Variants in TPCN2 observed in about 807,000 individuals in gnomAD.
The protein encoded by TPCN2 is two pore segment channel 2.
A neutral mutation model predicts 111.4 loss-of-function variants in TPCN2; 92 were observed. The ratio of observed to expected loss-of-function variants is 0.83; its 90% CI spans 0.70 to 0.98. The LOEUF (loss-of-function observed/expected upper bound fraction) is 0.98. TPCN2 is among the 50% of genes least tolerant of loss of function. The pLI is 0.00. For missense variants in TPCN2, 995 were observed against 980.1 expected, an observed-to-expected ratio of 1.02 and a Z score of -0.20; for synonymous variants, 405 against 414.5, an observed-to-expected ratio of 0.98 and a Z score of 0.28.
Position 69,085,949 on chromosome 11 carries a change from G to C in TPCN2, c.2003+19G>C. 2 of 1,609,288 alleles carry C rather than the reference G, an allele frequency of 1.2e-6. No individual in the cohort carries two copies. The highest frequency in any genetic ancestry group is 1.7e-6 in the Non-Finnish European group (2 of 1,176,896). Reference sequence around the variant, plus strand: ...CAGGCCCGTGAGTCCTCGTCTCCCTGACGGCAGTGATTCTCCGTGCAGCCT... The same window carrying C: ...CAGGCCCGTGAGTCCTCGTCTCCCTCACGGCAGTGATTCTCCGTGCAGCCT... On this transcript the variant is annotated intron_variant, in intron 22 of 24. Transcript: ENST00000294309.
chr11:69,075,937 A>T (rs1208583729), intron 13 of TPCN2, among the ~76,000 whole-genome samples: 1 of 152,236 alleles, frequency 6.6e-6, no homozygotes, highest in East Asian at 1.9e-4. Flanking sequence ...GTTATCTCTC[A>T]GTTACACAGC....
intron 18 of TPCN2, among the ~76,000 whole-genome samples, chr11:69,082,211 G>A (rs957905728): frequency 2.3e-4 from 35 of 152,240 alleles, no homozygotes; most frequent in Non-Finnish European, 4.6e-4. Context: ...GCACACACAC[G>A]CGCACACGTG....
In TPCN2 at chr11:69,089,161, C is replaced by A. The variant is rs1403078203; in HGVS notation, c.*1208C>A. ...ATGGTGGGGGAGGGGGCGACCCGAACAACAGTGCAGTCGGTATCGAGATTG... is the reference window on the plus strand; with the variant it reads ...ATGGTGGGGGAGGGGGCGACCCGAAAAACAGTGCAGTCGGTATCGAGATTG... On this transcript the variant is annotated 3_prime_UTR_variant, in exon 25 of 25. Transcript: ENST00000294309. 6.6e-6 allele frequency: 1 copy of A among 152,380 alleles called. No individual in the cohort carries two copies. Among genetic ancestry groups the A allele is most frequent in the Non-Finnish European group, 1.5e-5 (1 of 68,108 alleles). 9.4% of individuals were successfully genotyped at this position (152,380 alleles called of 1,614,324 possible).
At position 69,086,617 on chromosome 11, in the gene TPCN2, C is replaced by T. The variant is rs1434693536; in HGVS notation, c.2085+13C>T. ...CCTGATTCTGGAGGTATCAGAGATC[C>T]CCACCCAGGCTGTTCTCCATGGTCG... On this transcript the variant is annotated intron_variant, in intron 23 of 24. Transcript: ENST00000294309. The T allele has an allele frequency of 1.2e-6, 2 of 1,612,102 alleles. No individual in the cohort carries two copies. The highest frequency in any genetic ancestry group is 1.7e-6 in the Non-Finnish European group (2 of 1,178,378).
chr11:69,077,919 G>C (rs1231123780), intron 13 of TPCN2, among the ~76,000 whole-genome samples: 1 of 152,210 alleles, frequency 6.6e-6, no homozygotes, highest in Non-Finnish European at 1.5e-5. Context: ...GCGGGTGCAG[G>C]TCTCCTTGCT....
intron 5 of TPCN2, among the ~76,000 whole-genome samples, chr11:69,058,121 C>G (rs181665916): frequency 6.6e-6 from 1 of 152,346 alleles, no homozygotes; most frequent in African/African-American, 2.4e-5. Context: ...CCACACTCAG[C>G]CCTTTCCACC....
intron 18 of TPCN2, 96 bp from the exon 19 acceptor site, chr11:69,083,849 T>G (rs545026910): frequency 2.6e-5 from 30 of 1,158,842 alleles, no homozygotes; most frequent in Non-Finnish European, 3.5e-5. Flanking sequence ...GCCTGCCCCA[T>G]CTTGCCTTTC....
intron 19 of TPCN2, among the ~76,000 whole-genome samples, chr11:69,084,298 C>T (rs780268067): frequency 1.1e-4 from 17 of 152,134 alleles, no homozygotes; most frequent in African/African-American, 2.9e-4. Flanking sequence ...TTGAGTCTCT[C>T]GTGTTTTCTG....
intron 24 of TPCN2, 67 bp from the exon 25 acceptor site, chr11:69,087,808 T>G: frequency 1.5e-6 from 2 of 1,340,896 alleles, no homozygotes; most frequent in Non-Finnish European, 2.1e-6. Flanking sequence ...GCTCCCTTGT[T>G]CTTGTGGGCA....
At chr11:69,050,045 C>G (rs1186844961) in intron 1 of TPCN2, among the ~76,000 whole-genome samples, 1 of 152,220 alleles carries the variant, frequency 6.6e-6, no homozygotes, top group Non-Finnish European at 1.5e-5. Flanking sequence ...CTGGAAGGAA[C>G]TGGGTTGGAA....
chr11:69,075,121 C>T (rs965845477), intron 13 of TPCN2, among the ~76,000 whole-genome samples: 8 of 152,106 alleles, frequency 5.3e-5, no homozygotes, highest in African/African-American at 1.7e-4. Flanking sequence ...CTGGAGGTCC[C>T]GGCGATGCTC....
At chr11:69,060,172 C>T in intron 5 of TPCN2, among the ~76,000 whole-genome samples, 1 of 152,334 alleles carries the variant, frequency 6.6e-6, no homozygotes. Context: ...ACGCCCCTGT[C>T]CTCCACTTGG....
intron 4 of TPCN2, among the ~76,000 whole-genome samples, chr11:69,056,596 C>T (rs1443786106): frequency 6.6e-6 from 1 of 151,696 alleles, no homozygotes; most frequent in Non-Finnish European, 1.5e-5. Flanking sequence ...TGCAGTGGTG[C>T]AGTCTTGGCT....
chr11:69,081,840 G>A (rs577148349), intron 18 of TPCN2, among the ~76,000 whole-genome samples: 71 of 152,256 alleles, frequency 4.7e-4, no homozygotes, highest in African/African-American at 1.7e-3. Context: ...CTTTGCCATG[G>A]CTCCCAGGGT....
At chr11:69,083,882 C>A in intron 18 of TPCN2, 63 bp from the exon 19 acceptor site, 1 of 1,511,700 alleles carries the variant, frequency 6.6e-7, no homozygotes. Flanking sequence ...CGTGGTGGGC[C>A]GGGATGGTGT....
At chr11:69,066,391 G>A (rs976190502) in intron 7 of TPCN2, among the ~76,000 whole-genome samples, 4 of 152,194 alleles carry the variant, frequency 2.6e-5, no homozygotes, top group African/African-American at 9.6e-5. Context: ...GTGGCTCTGT[G>A]CCTGACAGCG....
intron 6 of TPCN2, among the ~76,000 whole-genome samples, 168 bp downstream of exon 6, chr11:69,063,158 CTT>C (rs947934141): frequency 4.6e-5 from 7 of 151,864 alleles, no homozygotes; most frequent in Non-Finnish European, 8.8e-5. Flanking sequence ...TTTGGGGTCT[CTT>C]TGGTTCCAGC....
chr11:69,078,540 G>T lies in TPCN2; in HGVS notation c.1289G>T (p.Gly430Val). 1 of 1,614,134 alleles carries T rather than the reference G, an allele frequency of 6.2e-7. No individual in the cohort carries two copies. The highest frequency in any genetic ancestry group is 1.7e-5 in the Admixed American group (1 of 60,024). ...PFLQSAQFLF[G>V]HYYFDYLGNL... is the part of the protein sequence containing the mutation. ...CTGCAGAGCGCCCAGTTCCTCTTCG[G>T]CCACTACTACTTTGACTACCTGGGG... is the stretch of plus-strand genomic sequence containing the variant. The change falls in exon 14 of 25, where the codon GGC (glycine) becomes GTC (valine). Residue 430 changes from glycine to valine, a missense_variant. By Grantham distance (109) the Gly-to-Val change is moderately radical. Coordinates refer to ENST00000294309, the MANE Select transcript of TPCN2 (RefSeq NM_139075.4).
At chr11:69,072,585 C>T (rs780164759) in intron 11 of TPCN2, 42 bp from the exon 12 acceptor site, 12 of 1,605,764 alleles carry the variant, frequency 7.5e-6, no homozygotes, top group Non-Finnish European at 1.0e-5. Context: ...CCAAGGGAGC[C>T]GAGCTGGCTG....
Sources: allele counts gnomAD v4.1 joint callset (sites outside exome capture counted in the v4.1 genomes callset), GRCh38; gene constraint gnomAD v4.1.1; transcripts MANE v1.5; gene names NCBI Gene and HGNC (gene_info 2026-07-23, HGNC 2026-07-21).